Variants in LNX1 observed in about 807,000 individuals in gnomAD.
The protein encoded by LNX1 is E3 ubiquitin-protein ligase LNX.
Under a neutral mutation model 68.4 loss-of-function variants are expected in LNX1, and 54 were observed. That is an observed-to-expected ratio of 0.79 (90% CI 0.63 to 0.99). The LOEUF is 0.99. LNX1 is among the 50% of genes least tolerant of loss of function. LNX1 has a pLI of 0.00. For synonymous variants in LNX1, 336 were observed against 350.0 expected (o/e 0.96, Z 0.45); for missense variants, 906 against 926.4 (o/e 0.98, Z 0.29).
At chr4:53,585,530 A>G (rs1473653995) in intron 1 of LNX1, among the ~76,000 whole-genome samples, 1 of 152,214 alleles carries the variant, frequency 6.6e-6, no homozygotes, top group Non-Finnish European at 1.5e-5. Context: ...AGAAGGTGTC[A>G]TGAGGTTTAG....
chr4:53,462,148 CAG>C (rs1722197673), intron 9 of LNX1, among the ~76,000 whole-genome samples: 3 of 151,920 alleles, frequency 2.0e-5, no homozygotes, highest in South Asian at 2.1e-4. Context: ...TGAATGGAAA[CAG>C]AAACGTTTAA....
chr4:53,574,758 G>C (rs1429395832), intron 1 of LNX1, among the ~76,000 whole-genome samples: 1 of 152,150 alleles, frequency 6.6e-6, no homozygotes, highest in Non-Finnish European at 1.5e-5. Flanking sequence ...ATAATCACAG[G>C]CTACTTCATA....
At chr4:53,604,615 T>C (rs1298554956) in intron 2 of LNX1, among the ~76,000 whole-genome samples, 3 of 152,236 alleles carry the variant, frequency 2.0e-5, no homozygotes, top group Non-Finnish European at 4.4e-5. Context: ...CAGGGGGATA[T>C]CTGATATCTG....
At chr4:53,466,950 C>T (rs1416303534) in intron 9 of LNX1, among the ~76,000 whole-genome samples, 1 of 152,196 alleles carries the variant, frequency 6.6e-6, no homozygotes, top group Non-Finnish European at 1.5e-5. Context: ...CAGCAGTAAC[C>T]TCTGCAGACT....
At chr4:53,535,053 A>G (rs1022906900) in intron 2 of LNX1, among the ~76,000 whole-genome samples, 2 of 152,242 alleles carry the variant, frequency 1.3e-5, no homozygotes, top group African/African-American at 4.8e-5. Flanking sequence ...GTCATTTTGC[A>G]GGGAATAATT....
intron 6 of LNX1, among the ~76,000 whole-genome samples, chr4:53,487,764 T>A (rs1724408797): frequency 6.6e-6 from 1 of 152,166 alleles, no homozygotes. Context: ...TCCTCTAGGG[T>A]TTCATCATCA....
rs919717603 is a variant in LNX1 at position 53,508,331 on chromosome 4, G to A, written c.381-104C>T. On this transcript the variant is annotated intron_variant, in intron 2 of 10. Transcript: ENST00000263925. ...TTGAAGAATGTATAATAGGCTTGTT[G>A]AACTTGGAATTTGATTTGCCTGCCG... The A allele has an allele frequency of 8.4e-6, 12 of 1,426,404 alleles. No individual in the cohort carries two copies. In the African/African-American group the frequency reaches 1.0e-4, roughly 12 times the overall value. 88.4% of individuals were successfully genotyped at this position (1,426,404 alleles called of 1,614,324 possible). A position where few individuals can be genotyped will look rare whatever the true frequency, so the allele number is the denominator to read the frequency against.
rs192631530 is a variant in LNX1, at chr4:53,532,983, T to G, written c.381-24756A>C. 2.7e-3 allele frequency among the ~76,000 whole-genome samples: 411 copies of G among 152,320 alleles called. 2 individuals are homozygous for G. Among genetic ancestry groups the G allele is most frequent in the African/African-American group, 9.5e-3 (395 of 41,576 alleles). Reference sequence around the variant, plus strand: ...GATCCCGTCAGGGGAGCCCATATATTGTTTTCCTGGGGTTACACAACAGCA... The same window carrying G: ...GATCCCGTCAGGGGAGCCCATATATGGTTTTCCTGGGGTTACACAACAGCA... On this transcript the variant is annotated intron_variant, in intron 2 of 10. Coordinates refer to ENST00000263925, the MANE Select transcript of LNX1 (RefSeq NM_001126328.3).
intron 10 of LNX1, 36 bp from the exon 11 acceptor site, chr4:53,461,078 T>C (rs571193003): frequency 1.3e-6 from 2 of 1,517,264 alleles, no homozygotes; most frequent in East Asian, 4.6e-5. Context: ...TGATTAGTAT[T>C]TTAATTCGTT....
intron 1 of LNX1, among the ~76,000 whole-genome samples, chr4:53,624,366 G>T (rs1168977268): frequency 6.6e-6 from 1 of 152,120 alleles, no homozygotes; most frequent in African/African-American, 2.4e-5. Flanking sequence ...AGTCTCATGA[G>T]ATCTGATGGT....
chr4:53,551,483 G>A (rs928740669), intron 2 of LNX1, among the ~76,000 whole-genome samples: 8 of 152,178 alleles, frequency 5.3e-5, no homozygotes, highest in African/African-American at 1.9e-4. Flanking sequence ...AAATGGCAGA[G>A]TTTAACTGGT....
Position 53,631,875 on chromosome 4 carries a change from G to A in LNX1, c.-215+20293C>T, listed in dbSNP as rs189347083. Reference sequence around the variant, plus strand: ...GGAGCCTGAGCCTTTTTTTTTTTAAGTCCTTGAGAATCCTTGACTCGGTGT... The same window carrying A: ...GGAGCCTGAGCCTTTTTTTTTTTAAATCCTTGAGAATCCTTGACTCGGTGT... On this transcript the variant is annotated intron_variant, in intron 1 of 2. Coordinates refer to the LNX1 transcript ENST00000507168. 4.0e-3 allele frequency among the ~76,000 whole-genome samples: 602 copies of A among 151,252 alleles called. 3 individuals are homozygous for A. Among genetic ancestry groups the A allele is most frequent in the African/African-American group, 0.014 (567 of 41,244 alleles).
chr4:53,605,092 C>T (rs1225868757), intron 2 of LNX1, among the ~76,000 whole-genome samples: 2 of 152,124 alleles, frequency 1.3e-5, no homozygotes, highest in African/African-American at 2.4e-5. Context: ...AGCACCACTT[C>T]TCCCATGTTC....
chr4:53,547,481 G>T (rs960950871), intron 2 of LNX1, among the ~76,000 whole-genome samples: 1 of 152,188 alleles, frequency 6.6e-6, no homozygotes, highest in African/African-American at 2.4e-5. Context: ...CAGTCTGACT[G>T]CAGAGCATGT....
chr4:53,650,718 C>T (rs1735067120), intron 1 of LNX1, among the ~76,000 whole-genome samples: 1 of 152,100 alleles, frequency 6.6e-6, no homozygotes, highest in African/African-American at 2.4e-5. Flanking sequence ...CGTGTCCCCC[C>T]AAGAACCTCA....
chr4:53,478,540 C>A, intron 8 of LNX1, 25 bp downstream of exon 8: 1 of 1,587,630 alleles, frequency 6.3e-7, no homozygotes, highest in Non-Finnish European at 8.6e-7. Flanking sequence ...CACCCCAGTG[C>A]CTTTAAAATC....
intron 9 of LNX1, among the ~76,000 whole-genome samples, chr4:53,476,491 G>T (rs6855607): frequency 0.12 from 18,019 of 152,148 alleles, 1,160 homozygotes; most frequent in East Asian, 0.16. Flanking sequence ...AACCTACACA[G>T]CTGTACATGG....
intron 9 of LNX1, among the ~76,000 whole-genome samples, chr4:53,471,877 A>G (rs1440754694): frequency 6.6e-6 from 1 of 152,212 alleles, no homozygotes; most frequent in Non-Finnish European, 1.5e-5. Flanking sequence ...AAACACTTTT[A>G]CACTGTTGGT....
intron 1 of LNX1, among the ~76,000 whole-genome samples, chr4:53,583,232 C>T (rs1295523272): frequency 6.6e-6 from 1 of 152,164 alleles, no homozygotes; most frequent in Non-Finnish European, 1.5e-5. Flanking sequence ...CCTTAGCTTA[C>T]AGACTCTCAT....
Sources: gnomAD v4.1 joint callset for allele counts (sites outside exome capture counted in the v4.1 genomes callset) on GRCh38, gnomAD v4.1.1 for gene constraint, MANE v1.5 for transcripts, NCBI Gene and HGNC (gene_info 2026-07-23, HGNC 2026-07-21) for gene names.